TRPC6: variants seen among roughly 807,000 people sequenced by gnomAD.
The protein encoded by TRPC6 is short transient receptor potential channel 6.
A neutral mutation model predicts 90.7 loss-of-function variants in TRPC6; 55 were observed. The observed-to-expected ratio is 0.61, with a 90% CI of 0.49 to 0.76. The LOEUF (loss-of-function observed/expected upper bound fraction) is 0.76. Among genes scored for constraint, TRPC6 ranks in the 30% least tolerant of loss-of-function variants. The pLI is 0.00. For missense variants in TRPC6, 989 were observed against 1,122.7 expected, an observed-to-expected ratio of 0.88 and a Z score of 1.70; for synonymous variants, 393 against 393.0, an observed-to-expected ratio of 1.00 and a Z score of 0.00.
chr11:101,493,377 A>G (rs1859872964), intron 2 of TRPC6, among the ~76,000 whole-genome samples: 1 of 152,080 alleles, frequency 6.6e-6, no homozygotes, highest in Non-Finnish European at 1.5e-5. Flanking sequence ...TGTGGGTTGG[A>G]CAAGCTTGAG....
At chr11:101,454,041 GGGTAGGTAAAAGATGTACACTACT>G (rs1475783402) in intron 11 of TRPC6, among the ~76,000 whole-genome samples, 1 of 152,024 alleles carries the variant, frequency 6.6e-6, no homozygotes, top group African/African-American at 2.4e-5. Flanking sequence ...TCTTTCAGTG[GGGTAGGTAAAAGATGTACACTACT>G]GCTCGTGGAA....
At chr11:101,498,930 TA>T (rs1414461443) in intron 2 of TRPC6, among the ~76,000 whole-genome samples, 1 of 152,156 alleles carries the variant, frequency 6.6e-6, no homozygotes, top group Non-Finnish European at 1.5e-5. Flanking sequence ...CTTCCCTGAA[TA>T]AATACACATT....
chr11:101,508,088 T>C (rs1176263486), intron 1 of TRPC6, among the ~76,000 whole-genome samples: 1 of 152,112 alleles, frequency 6.6e-6, no homozygotes, highest in Non-Finnish European at 1.5e-5. Context: ...CAAATGTTAC[T>C]TTTTATAAGA....
chr11:101,529,669 A>T (rs1228801017), intron 1 of TRPC6, among the ~76,000 whole-genome samples: 5 of 152,206 alleles, frequency 3.3e-5, no homozygotes, highest in African/African-American at 1.2e-4. Flanking sequence ...GTACAATTTT[A>T]AACATGTTTT....
At chr11:101,481,956 A>T (rs530226493) in intron 5 of TRPC6, among the ~76,000 whole-genome samples, 1 of 152,268 alleles carries the variant, frequency 6.6e-6, no homozygotes, top group East Asian at 1.9e-4. Flanking sequence ...CCACATCTCT[A>T]ATGTTCCCAT....
At chr11:101,534,057 T>C (rs1053003565) in intron 1 of TRPC6, among the ~76,000 whole-genome samples, 1 of 152,176 alleles carries the variant, frequency 6.6e-6, no homozygotes, top group Non-Finnish European at 1.5e-5. Context: ...CATCAGGAAG[T>C]TGCCTCTGTT....
chr11:101,558,116 A>G lies in TRPC6; in HGVS notation c.170+25218T>C, dbSNP rs537526597. Among the ~76,000 whole-genome samples, 4 of 151,836 alleles carry G rather than the reference A, an allele frequency of 2.6e-5. No homozygotes were observed. The South Asian group carries it at 8.3e-4, about 32-fold the overall frequency. Reference sequence around the variant, plus strand: ...AGAATAAAACTGAAGTTATCATACTACCTGACCTCAAAATCTAGCGCATAA... The same window carrying G: ...AGAATAAAACTGAAGTTATCATACTGCCTGACCTCAAAATCTAGCGCATAA... On this transcript the variant is annotated intron_variant, in intron 1 of 12. Transcript: ENST00000344327.
intron 11 of TRPC6, among the ~76,000 whole-genome samples, chr11:101,454,566 CTA>C (rs1250108268): frequency 6.6e-6 from 1 of 151,594 alleles, no homozygotes; most frequent in African/African-American, 2.4e-5. Flanking sequence ...AAGCTAAAAA[CTA>C]TTACTCATTA....
chr11:101,470,802 GC>G (rs1354457752), intron 9 of TRPC6, among the ~76,000 whole-genome samples: 5 of 48,724 alleles, frequency 1.0e-4, no homozygotes, highest in South Asian at 6.5e-4. Flanking sequence ...TAATCAAGTT[GC>G]CCCGCCCCCC....
At chr11:101,503,957 G>A in intron 2 of TRPC6, 67 bp downstream of exon 2, 1 of 1,597,532 alleles carries the variant, frequency 6.3e-7, no homozygotes, top group East Asian at 2.2e-5. Flanking sequence ...GAGCACATGG[G>A]GGAAGCTGGT....
At chr11:101,508,505 T>A (rs1860324863) in intron 1 of TRPC6, among the ~76,000 whole-genome samples, 1 of 152,072 alleles carries the variant, frequency 6.6e-6, no homozygotes. Context: ...ATCTTCCTAC[T>A]GAAATTCTTA....
At chr11:101,568,752 C>G (rs1861891257) in intron 1 of TRPC6, among the ~76,000 whole-genome samples, 1 of 152,146 alleles carries the variant, frequency 6.6e-6, no homozygotes, top group Non-Finnish European at 1.5e-5. Flanking sequence ...AATTTCATAT[C>G]CAGCCAAACT....
At chr11:101,478,937 C>T (rs1859481314) in intron 5 of TRPC6, among the ~76,000 whole-genome samples, 1 of 152,154 alleles carries the variant, frequency 6.6e-6, no homozygotes, top group African/African-American at 2.4e-5. Context: ...CTAGCAGAGG[C>T]AGGTTAACCA....
In TRPC6 at chr11:101,546,324, G is replaced by A. The variant is rs1250170046; in HGVS notation, c.170+37010C>T. ...CCTGACCTCATGATCCACCCGCCTC[G>A]GCCTCCCAAAGTGCTGGGATTACAG... On this transcript the variant is annotated intron_variant, in intron 1 of 12. Transcript: ENST00000344327. Among the ~76,000 whole-genome samples, 2 of 65,588 alleles carry A rather than the reference G, an allele frequency of 3.0e-5. 1 individual carries two copies. The highest frequency in any genetic ancestry group is 6.4e-5 in the Non-Finnish European group (2 of 31,310). 43.0% of individuals were successfully genotyped at this position (65,588 alleles called of 152,430 possible). A position where few individuals can be genotyped will look rare whatever the true frequency, so the allele number is the denominator to read the frequency against.
chr11:101,507,485 T>A (rs1860302394), intron 1 of TRPC6, among the ~76,000 whole-genome samples: 1 of 152,110 alleles, frequency 6.6e-6, no homozygotes, highest in Admixed American at 6.5e-5. Context: ...CCAGATCTTC[T>A]TTTATCTGAG....
At chr11:101,538,693 G>A (rs1391761288) in intron 1 of TRPC6, among the ~76,000 whole-genome samples, 3 of 152,186 alleles carry the variant, frequency 2.0e-5, no homozygotes, top group Non-Finnish European at 2.9e-5. Context: ...GGCAGGAGAC[G>A]TAAGGCAGAA....
intron 1 of TRPC6, among the ~76,000 whole-genome samples, chr11:101,574,332 T>C (rs1486961970): frequency 6.6e-5 from 10 of 151,194 alleles, no homozygotes; most frequent in Admixed American, 2.6e-4. Flanking sequence ...AATCTATATC[T>C]AATTGAGTAT....
At chr11:101,462,674 T>C (rs1565444909) in intron 10 of TRPC6, among the ~76,000 whole-genome samples, 2 of 152,246 alleles carry the variant, frequency 1.3e-5, no homozygotes, top group African/African-American at 4.8e-5. Context: ...GAGACTTCGC[T>C]GAAGTTGCTT....
At chr11:101,521,241 C>T (rs1860652674) in intron 1 of TRPC6, among the ~76,000 whole-genome samples, 1 of 152,196 alleles carries the variant, frequency 6.6e-6, no homozygotes, top group African/African-American at 2.4e-5. Flanking sequence ...CTTCCTTGTG[C>T]AACCTCAGGA....
Sources: gnomAD v4.1 joint callset for allele counts (sites outside exome capture counted in the v4.1 genomes callset) on GRCh38, gnomAD v4.1.1 for gene constraint, MANE v1.5 for transcripts, NCBI Gene and HGNC (gene_info 2026-07-23, HGNC 2026-07-21) for gene names.